The following RAVER2 variants were observed in gnomAD, a reference collection of about 807,000 sequenced individuals.
The protein encoded by RAVER2 is ribonucleoprotein, PTB binding 2, also known as ribonucleoprotein PTB-binding 2.
A neutral mutation model predicts 78.1 loss-of-function variants in RAVER2; 46 were observed. The observed-to-expected ratio is 0.59, with a 90% confidence interval of 0.46 to 0.75. RAVER2 has a LOEUF of 0.75. Among genes scored for constraint, RAVER2 ranks in the 30% least tolerant of loss-of-function variants. RAVER2 has a pLI of 0.00. For synonymous variants in RAVER2, 311 were observed against 313.3 expected (o/e 0.99, Z 0.08); for missense variants, 793 against 837.5 (o/e 0.95, Z 0.66).
intron 5 of RAVER2, among the ~76,000 whole-genome samples, chr1:64,797,373 T>C (rs1202133937): frequency 6.6e-6 from 1 of 152,228 alleles, no homozygotes; most frequent in East Asian, 1.9e-4. Flanking sequence ...TATGGACATT[T>C]TCAGACTGTT....
exon 12 of RAVER2, chr1:64,832,883 A>T (rs952576369): frequency 6.6e-6 from 1 of 152,392 alleles, no homozygotes; most frequent in African/African-American, 2.4e-5. Context: ...CTATAGTACA[A>T]ACAAACAAAC....
Position 64,823,561 on chromosome 1 carries a change from A to G in RAVER2, c.1930-7278A>G, listed in dbSNP as rs535181955. Among the ~76,000 whole-genome samples the G allele has an allele frequency of 6.6e-5, 10 of 152,344 alleles. No homozygotes were observed. The South Asian group carries it at 1.7e-3, about 25-fold the overall frequency. Reference sequence around the variant, plus strand: ...AGATTCTGAGGTCCTTCTATGTCAAATGGTTGGGAGAAGTCTACCTTAAAA... The same window carrying G: ...AGATTCTGAGGTCCTTCTATGTCAAGTGGTTGGGAGAAGTCTACCTTAAAA... On this transcript the variant is annotated intron_variant, in intron 11 of 11. Coordinates refer to ENST00000294428, the Ensembl canonical transcript of RAVER2.
At chr1:64,763,572 A>G (rs1282020059) in intron 1 of RAVER2, among the ~76,000 whole-genome samples, 1 of 152,040 alleles carries the variant, frequency 6.6e-6, no homozygotes, top group Non-Finnish European at 1.5e-5. Context: ...CAAATTGGTT[A>G]CAGATTTTTG....
At chr1:64,824,103 G>A (rs1406604227) in intron 11 of RAVER2, among the ~76,000 whole-genome samples, 1 of 152,048 alleles carries the variant, frequency 6.6e-6, no homozygotes, top group Non-Finnish European at 1.5e-5. Context: ...CACCGCGCCC[G>A]GCCTGATTTT....
intron 2 of RAVER2, among the ~76,000 whole-genome samples, chr1:64,776,901 T>C (rs1652478999): frequency 6.6e-6 from 1 of 152,224 alleles, no homozygotes; most frequent in African/African-American, 2.4e-5. Flanking sequence ...CATTTGTTGC[T>C]TGATGCTGGA....
chr1:64,777,575 G>A (rs1167507058), intron 2 of RAVER2, 48 bp from the exon 3 acceptor site: 1 of 1,466,538 alleles, frequency 6.8e-7, no homozygotes, highest in South Asian at 1.3e-5. Context: ...TTCTTACTGT[G>A]TTTTCAAACA....
At chr1:64,827,374 A>C (rs1193723031) in intron 11 of RAVER2, among the ~76,000 whole-genome samples, 1 of 152,164 alleles carries the variant, frequency 6.6e-6, no homozygotes, top group African/African-American at 2.4e-5. Context: ...GCCCAGGGGC[A>C]TGAGGGTGAG....
chr1:64,822,486 C>G (rs1174637275), intron 11 of RAVER2, among the ~76,000 whole-genome samples: 1 of 152,080 alleles, frequency 6.6e-6, no homozygotes, highest in African/African-American at 2.4e-5. Context: ...TTGAAATTAT[C>G]CAGTCTGAGA....
chr1:64,768,230 T>G (rs1371004807), intron 1 of RAVER2, among the ~76,000 whole-genome samples: 1 of 151,966 alleles, frequency 6.6e-6, no homozygotes, highest in Non-Finnish European at 1.5e-5. Flanking sequence ...GTTATGACCA[T>G]TGTTAGCATA....
At chr1:64,799,104 A>G (rs12037590) in intron 5 of RAVER2, among the ~76,000 whole-genome samples, 7,196 of 152,270 alleles carry the variant, frequency 0.047, 405 homozygotes, top group East Asian at 0.27. Context: ...TTCTCTTCCC[A>G]GACTCTAATA....
At chr1:64,759,762 C>T (rs569452420) in intron 1 of RAVER2, among the ~76,000 whole-genome samples, 6 of 152,200 alleles carry the variant, frequency 3.9e-5, no homozygotes, top group East Asian at 1.9e-4. Flanking sequence ...ATGATCCACC[C>T]GCCTTGGCCT....
intron 5 of RAVER2, among the ~76,000 whole-genome samples, chr1:64,794,465 A>G (rs575290907): frequency 1.3e-5 from 2 of 150,368 alleles, no homozygotes; most frequent in African/African-American, 2.4e-5. Context: ...CATACTCACC[A>G]TCAGTTTCTA....
chr1:64,828,457 G>A (rs576388638), intron 11 of RAVER2, among the ~76,000 whole-genome samples: 1 of 152,094 alleles, frequency 6.6e-6, no homozygotes, highest in South Asian at 2.1e-4. Flanking sequence ...TCCCTCTTTT[G>A]TGTTTTGTTG....
intron 4 of RAVER2, among the ~76,000 whole-genome samples, chr1:64,785,367 CTT>C (rs67544814): frequency 1.2e-4 from 15 of 129,592 alleles, no homozygotes; most frequent in Admixed American, 1.7e-4. Context: ...CTGTCCCTAA[CTT>C]TTTTTTTTTT....
intron 2 of RAVER2, among the ~76,000 whole-genome samples, chr1:64,769,370 A>G (rs577525631): frequency 6.6e-6 from 1 of 152,034 alleles, no homozygotes; most frequent in South Asian, 2.1e-4. Flanking sequence ...ACTTTCTACT[A>G]CTCTGATTCC....
chr1:64,762,681 C>A (rs1015585167), intron 1 of RAVER2, among the ~76,000 whole-genome samples: 6 of 152,104 alleles, frequency 3.9e-5, no homozygotes, highest in Admixed American at 2.0e-4. Context: ...ATATTCAAAT[C>A]AAAAAAATTG....
At chr1:64,769,930 T>C (rs1652270141) in intron 2 of RAVER2, among the ~76,000 whole-genome samples, 1 of 152,064 alleles carries the variant, frequency 6.6e-6, no homozygotes, top group Non-Finnish European at 1.5e-5. Flanking sequence ...TTCTAATGTA[T>C]ATTTCATTTA....
chr1:64,824,513 C>A (rs1054529929), intron 11 of RAVER2, among the ~76,000 whole-genome samples: 2 of 152,060 alleles, frequency 1.3e-5, no homozygotes, highest in Admixed American at 6.6e-5. Flanking sequence ...AAAACATAAG[C>A]CTACTTTAAA....
At chr1:64,789,156 T>C in intron 4 of RAVER2, among the ~76,000 whole-genome samples, 1 of 152,250 alleles carries the variant, frequency 6.6e-6, no homozygotes, top group East Asian at 1.9e-4. Flanking sequence ...AAATTGTCAG[T>C]CCTCTTAAAG....
Sources: gnomAD v4.1 joint callset for allele counts (sites outside exome capture counted in the v4.1 genomes callset) on GRCh38, gnomAD v4.1.1 for gene constraint, MANE v1.5 for transcripts, NCBI Gene and HGNC (gene_info 2026-07-23, HGNC 2026-07-21) for gene names.